The following LOC400499 variants were observed in gnomAD, a reference collection of about 807,000 sequenced individuals.
the LOC400499 span, chr16:11,387,204 TCTC>T: frequency 1.7e-5 from 21 of 1,232,034 alleles, no homozygotes; most frequent in Non-Finnish European, 2.1e-5. Context: ...CGCAGCAGCT[TCTC>T]CTCCATGAGG....
At chr16:11,416,315 C>A in the LOC400499 span, among the ~76,000 whole-genome samples, 1 of 152,106 alleles carries the variant, frequency 6.6e-6, no homozygotes, top group Non-Finnish European at 1.5e-5. Flanking sequence ...TCCCCGGGAT[C>A]CTGAATGGTC....
chr16:11,383,773 G>A, the LOC400499 span: 2 of 1,232,258 alleles, frequency 1.6e-6, no homozygotes, highest in Non-Finnish European at 2.0e-6. Context: ...GAGGAATGGT[G>A]TAGGGTCTAC....
the LOC400499 span, chr16:11,431,065 C>A: frequency 2.5e-6 from 1 of 398,996 alleles, no homozygotes; most frequent in Non-Finnish European, 4.4e-6. Flanking sequence ...CTGCTTCAGC[C>A]TTCCTGTGAG....
At chr16:11,386,797 T>C in the LOC400499 span, among the ~76,000 whole-genome samples, 2 of 152,256 alleles carry the variant, frequency 1.3e-5, no homozygotes, top group Admixed American at 6.5e-5. Context: ...AGGTCGCCTC[T>C]GACCGGCGAG....
chr16:11,494,825 G>A, the LOC400499 span: 1 of 395,822 alleles, frequency 2.5e-6, no homozygotes, highest in African/African-American at 2.1e-5. Flanking sequence ...CCTCACCCTG[G>A]CCACACACCG....
chr16:11,500,179 C>T, the LOC400499 span, among the ~76,000 whole-genome samples: 5,400 of 152,180 alleles, frequency 0.035, 132 homozygotes, highest in Non-Finnish European at 0.052. Context: ...CACTATAAGA[C>T]CAGGATAGAG....
the LOC400499 span, chr16:11,449,226 A>C: frequency 1.1e-6 from 1 of 894,416 alleles, no homozygotes; most frequent in Non-Finnish European, 1.5e-6. Context: ...AACCCCTTCA[A>C]TGCCATTTCT....
At chr16:11,509,746 G>C in the LOC400499 span, among the ~76,000 whole-genome samples, 1 of 152,022 alleles carries the variant, frequency 6.6e-6, no homozygotes, top group Non-Finnish European at 1.5e-5. Flanking sequence ...CAGAAGAATT[G>C]CTTGAACCTG....
At chr16:11,448,472 G>A in the LOC400499 span, among the ~76,000 whole-genome samples, 1 of 152,138 alleles carries the variant, frequency 6.6e-6, no homozygotes, top group Admixed American at 6.5e-5. Flanking sequence ...TGAGCCCAGG[G>A]CTTTAAGACC....
the LOC400499 span, among the ~76,000 whole-genome samples, chr16:11,396,833 G>C: frequency 3.9e-5 from 6 of 152,064 alleles, no homozygotes; most frequent in South Asian, 2.1e-4. Context: ...ATCAGATGCC[G>C]TCCCCTAAGA....
At chr16:11,463,601 G>T in the LOC400499 span, among the ~76,000 whole-genome samples, 1 of 152,110 alleles carries the variant, frequency 6.6e-6, no homozygotes, top group Non-Finnish European at 1.5e-5. Context: ...TATATATATG[G>T]ATGCATGTAT....
chr16:11,425,528 C>T, the LOC400499 span: 1,177 of 398,084 alleles, frequency 3.0e-3, 9 homozygotes, highest in Non-Finnish European at 3.9e-3. Flanking sequence ...TAAGAAGTTG[C>T]TAGATTCATG....
the LOC400499 span, among the ~76,000 whole-genome samples, chr16:11,379,800 T>G: frequency 6.6e-6 from 1 of 152,388 alleles, no homozygotes; most frequent in Admixed American, 6.5e-5. Flanking sequence ...GGATCTCATT[T>G]GCTTTTGTGT....
At chr16:11,461,148 A>T in the LOC400499 span, 1 of 1,521,584 alleles carries the variant, frequency 6.6e-7, no homozygotes, top group Non-Finnish European at 8.8e-7. Flanking sequence ...GGCAGATGAG[A>T]GGGTCAGCCC....
At chr16:11,457,715 T>C in the LOC400499 span, among the ~76,000 whole-genome samples, 4 of 152,074 alleles carry the variant, frequency 2.6e-5, no homozygotes, top group South Asian at 8.3e-4. Flanking sequence ...ATTTGCACAC[T>C]CACGTTCATA....
chr16:11,437,685 T>C, the LOC400499 span, among the ~76,000 whole-genome samples: 3 of 152,120 alleles, frequency 2.0e-5, no homozygotes, highest in Admixed American at 6.5e-5. Flanking sequence ...CTGGCCAACG[T>C]AGTGAAATCC....
the LOC400499 span, among the ~76,000 whole-genome samples, chr16:11,452,323 G>A: frequency 6.6e-6 from 1 of 151,396 alleles, no homozygotes; most frequent in East Asian, 1.9e-4. Flanking sequence ...CTTTCAGACA[G>A]AATTGGGATC....
the LOC400499 span, chr16:11,521,881 T>TAA: frequency 2.5e-6 from 1 of 398,486 alleles, no homozygotes; most frequent in Non-Finnish European, 4.4e-6. Context: ...AAATTGGAGG[T>TAA]AAGGGGCTGT....
chr16:11,490,305 G>T, the LOC400499 span, among the ~76,000 whole-genome samples: 1 of 151,286 alleles, frequency 6.6e-6, no homozygotes, highest in Non-Finnish European at 1.5e-5. Context: ...CTGAGTCAGG[G>T]GAATTGCCTG....
Sources: gnomAD v4.1 joint callset for allele counts (sites outside exome capture counted in the v4.1 genomes callset) on GRCh38, gnomAD v4.1.1 for gene constraint, MANE v1.5 for transcripts.